The following PDE4B variants were observed in gnomAD, a reference collection of about 807,000 sequenced individuals.
The protein encoded by PDE4B is 3',5'-cyclic-AMP phosphodiesterase 4B.
PDE4B carries 20 observed loss-of-function variants against 82.2 expected under a neutral mutation model. The observed-to-expected ratio is 0.24, with a 90% CI of 0.17 to 0.35. The LOEUF (loss-of-function observed/expected upper bound fraction) is 0.35. Ranked by LOEUF, PDE4B falls within the 10% of genes least tolerant of loss-of-function variation. PDE4B has a pLI of 1.00. For missense variants in PDE4B, 655 were observed against 907.2 expected (o/e 0.72, Z 3.57); for synonymous variants, 320 against 318.9 (o/e 1.00, Z -0.04).
At position 66,199,605 on chromosome 1, in the gene PDE4B, T is replaced by A. The variant is rs146841340; in HGVS notation, c.282-47855T>A. Reference sequence around the variant, plus strand: ...GTAGGTTTCTCCCATTTTGACACGATCCCTTTTCAGGTGCAGAAAATGTGG... The same window carrying A: ...GTAGGTTTCTCCCATTTTGACACGAACCCTTTTCAGGTGCAGAAAATGTGG... On this transcript the variant is annotated intron_variant, in intron 3 of 16. Transcript: ENST00000341517. 3.3e-5 allele frequency among the ~76,000 whole-genome samples: 5 copies of A among 152,286 alleles called. No homozygotes were observed. In the South Asian group the frequency reaches 6.2e-4, roughly 19 times the overall value.
chr1:65,887,139 T>C (rs1363558199), intron 1 of PDE4B, among the ~76,000 whole-genome samples: 1 of 143,924 alleles, frequency 6.9e-6, no homozygotes. Context: ...CCTCCCTCTC[T>C]CCCTCCTTTC....
intron 3 of PDE4B, among the ~76,000 whole-genome samples, chr1:65,941,275 A>G (rs1471196200): frequency 6.6e-6 from 1 of 152,098 alleles, no homozygotes; most frequent in Non-Finnish European, 1.5e-5. Context: ...GATTAGGATC[A>G]GAATGCCTGG....
intron 1 of PDE4B, among the ~76,000 whole-genome samples, chr1:65,830,691 C>T (rs1646072086): frequency 6.6e-6 from 1 of 152,028 alleles, no homozygotes; most frequent in Admixed American, 6.6e-5. Context: ...GAGAAGCTCT[C>T]CCAGACAACA....
At chr1:66,181,508 G>A (rs1477310826) in intron 3 of PDE4B, among the ~76,000 whole-genome samples, 12 of 152,134 alleles carry the variant, frequency 7.9e-5, no homozygotes, top group Admixed American at 7.2e-4. Context: ...ATAATGAGCT[G>A]ATGATACTGT....
intron 1 of PDE4B, among the ~76,000 whole-genome samples, chr1:65,889,617 C>T (rs1646830877): frequency 1.3e-5 from 2 of 152,148 alleles, no homozygotes; most frequent in Non-Finnish European, 2.9e-5. Flanking sequence ...GCTTCTCAAA[C>T]TATTTGTCCT....
intron 1 of PDE4B, among the ~76,000 whole-genome samples, chr1:65,902,229 T>C (rs959806716): frequency 6.6e-6 from 1 of 152,098 alleles, no homozygotes; most frequent in African/African-American, 2.4e-5. Context: ...TAGAGTAGCA[T>C]GCAATGTTTT....
chr1:66,151,332 T>C (rs180981726), intron 3 of PDE4B, among the ~76,000 whole-genome samples: 3 of 152,328 alleles, frequency 2.0e-5, no homozygotes, highest in Admixed American at 2.0e-4. Flanking sequence ...GTCTGGTTAA[T>C]GGCTCTTCCT....
At chr1:66,203,362 T>G (rs539826029) in intron 3 of PDE4B, among the ~76,000 whole-genome samples, 8 of 152,128 alleles carry the variant, frequency 5.3e-5, no homozygotes, top group Non-Finnish European at 1.2e-4. Flanking sequence ...CTTTGTGGCA[T>G]TCTCTGTATT....
At chr1:66,233,210 C>G (rs1327002884) in intron 3 of PDE4B, among the ~76,000 whole-genome samples, 1 of 152,090 alleles carries the variant, frequency 6.6e-6, no homozygotes, top group Non-Finnish European at 1.5e-5. Context: ...TTCTAGAATT[C>G]TATATAAATG....
intron 1 of PDE4B, among the ~76,000 whole-genome samples, chr1:65,889,700 T>C (rs533991521): frequency 5.5e-4 from 84 of 152,242 alleles, no homozygotes; most frequent in Non-Finnish European, 1.0e-3. Context: ...ACTTTTCTAA[T>C]ATACTATGTG....
chr1:66,024,684 T>C (rs1185175349), intron 3 of PDE4B, among the ~76,000 whole-genome samples: 6 of 152,270 alleles, frequency 3.9e-5, no homozygotes, highest in African/African-American at 1.4e-4. Flanking sequence ...AGGCAGATTC[T>C]TAATACATTT....
In PDE4B at chr1:66,275,805, C is replaced by T. The variant is rs538242057; in HGVS notation, c.634+9718C>T. 5.4e-4 allele frequency among the ~76,000 whole-genome samples: 83 copies of T among 152,312 alleles called. 2 individuals carry two copies. Among genetic ancestry groups the T allele is most frequent in the Admixed American group, 5.0e-3 (77 of 15,298 alleles). ...AGGGAAACAAAGCAGGGACTGTCCC[C>T]TCAAAATAGAGAACAGGCAACAGAA... On this transcript the variant is annotated intron_variant, in intron 7 of 16. Transcript: ENST00000341517.
intron 3 of PDE4B, among the ~76,000 whole-genome samples, chr1:66,023,253 C>T (rs185743858): frequency 8.5e-5 from 13 of 152,232 alleles, no homozygotes; most frequent in African/African-American, 2.6e-4. Context: ...GTGTGGTACT[C>T]GGACATTATC....
chr1:65,943,247 AACATC>A (rs1648538332), intron 3 of PDE4B, among the ~76,000 whole-genome samples: 1 of 152,004 alleles, frequency 6.6e-6, no homozygotes, highest in Admixed American at 6.6e-5. Context: ...TAGTTTTGCC[AACATC>A]GTTTATTAAC....
At position 66,153,230 on chromosome 1, in the gene PDE4B, A is replaced by G. The variant is rs1570354473; in HGVS notation, c.282-94230A>G. ...TTGCTGTTTTCTCCATCCCTACTCT[A>G]GATTCTCTCTCCTCCCAGTGTCCAA... On this transcript the variant is annotated intron_variant, in intron 3 of 16. Transcript: ENST00000341517. Among the ~76,000 whole-genome samples, 5 of 152,152 alleles carry G rather than the reference A, an allele frequency of 3.3e-5. No individual in the cohort carries two copies. The South Asian group carries it at 8.3e-4, about 25-fold the overall frequency.
intron 3 of PDE4B, chr1:65,992,648 AGG>A: frequency 1.0e-6 from 1 of 995,098 alleles, no homozygotes; most frequent in Non-Finnish European, 1.3e-6. Context: ...CTCATCCACA[AGG>A]AGGCTACTGA....
intron 9 of PDE4B, among the ~76,000 whole-genome samples, chr1:66,358,529 C>T (rs909688494): frequency 1.4e-4 from 22 of 151,980 alleles, no homozygotes; most frequent in African/African-American, 5.1e-4. Flanking sequence ...ACAAAAATAG[C>T]TGGGCATGGT....
Position 66,257,628 on chromosome 1 carries a change from T to C in PDE4B, c.477-19T>C. On this transcript the variant is annotated intron_variant, in intron 4 of 16. Transcript: ENST00000341517. ...ATTCAAGTAAATTTCTAAAGGTTCTTTTTTTCTCTTTTCACCAGACACGGC... is the reference window on the plus strand; with the variant it reads ...ATTCAAGTAAATTTCTAAAGGTTCTCTTTTTCTCTTTTCACCAGACACGGC... The C allele has an allele frequency of 6.2e-7, 1 of 1,610,924 alleles. No homozygotes were observed. The highest frequency in any genetic ancestry group is 1.7e-5 in the Admixed American group (1 of 59,924).
At chr1:66,116,188 T>A (rs1388651171) in intron 3 of PDE4B, among the ~76,000 whole-genome samples, 1 of 129,874 alleles carries the variant, frequency 7.7e-6, no homozygotes, top group East Asian at 2.3e-4. Flanking sequence ...TTGAAAACCT[T>A]GTCAAATTAT....
Sources: gnomAD v4.1 joint callset for allele counts (sites outside exome capture counted in the v4.1 genomes callset) on GRCh38, gnomAD v4.1.1 for gene constraint, MANE v1.5 for transcripts, NCBI Gene and HGNC (gene_info 2026-07-23, HGNC 2026-07-21) for gene names.